Variants in SLCO5A1 observed in about 807,000 individuals in gnomAD.
SLCO5A1 encodes organic anion transporter polypeptide-related protein 4.
Under a neutral mutation model 65.1 loss-of-function variants are expected in SLCO5A1, and 39 were observed. That is an observed-to-expected ratio of 0.60 (90% CI 0.46 to 0.78). The LOEUF (loss-of-function observed/expected upper bound fraction) is 0.78. Ranked by LOEUF, SLCO5A1 falls within the 30% of genes least tolerant of loss-of-function variation. SLCO5A1 has a pLI of 0.00. For missense variants in SLCO5A1, 1,029 were observed against 1,069.4 expected, an observed-to-expected ratio of 0.96 and a Z score of 0.53; for synonymous variants, 438 against 415.7, an observed-to-expected ratio of 1.05 and a Z score of -0.65.
At chr8:69,802,715 G>T (rs953975851) in intron 2 of SLCO5A1, among the ~76,000 whole-genome samples, 2 of 151,826 alleles carry the variant, frequency 1.3e-5, no homozygotes, top group African/African-American at 4.8e-5. Context: ...CCTACCTCAG[G>T]CCTTTACCCC....
chr8:69,782,262 T>G (rs1818831543), intron 2 of SLCO5A1, among the ~76,000 whole-genome samples: 1 of 151,856 alleles, frequency 6.6e-6, no homozygotes. Flanking sequence ...CATCAAAAAT[T>G]ATAAGTTATA....
At chr8:69,783,153 T>C (rs958309816) in intron 2 of SLCO5A1, among the ~76,000 whole-genome samples, 2 of 152,162 alleles carry the variant, frequency 1.3e-5, no homozygotes, top group African/African-American at 2.4e-5. Flanking sequence ...TATAACTTTA[T>C]AGTTAAAATT....
At chr8:69,788,131 G>A (rs1819115170) in intron 2 of SLCO5A1, among the ~76,000 whole-genome samples, 2 of 152,086 alleles carry the variant, frequency 1.3e-5, no homozygotes, top group Admixed American at 6.5e-5. Flanking sequence ...ATTATTTCAG[G>A]AGGGCAACCC....
intron 5 of SLCO5A1, among the ~76,000 whole-genome samples, chr8:69,724,346 G>A (rs1586728530): frequency 6.6e-6 from 1 of 152,196 alleles, no homozygotes; most frequent in East Asian, 1.9e-4. Flanking sequence ...CCCTTGCACA[G>A]GTAATAAGGG....
chr8:69,741,950 T>C (rs1462459608), intron 4 of SLCO5A1, among the ~76,000 whole-genome samples: 2 of 152,146 alleles, frequency 1.3e-5, no homozygotes. Flanking sequence ...TCATGGGCAT[T>C]ATTGGGATAA....
chr8:69,687,047 T>A (rs1294446980), intron 6 of SLCO5A1, among the ~76,000 whole-genome samples: 1 of 152,230 alleles, frequency 6.6e-6, no homozygotes, highest in African/African-American at 2.4e-5. Context: ...GATATTGGTA[T>A]CTTTCCGCAC....
chr8:69,786,946 T>C (rs1387017208), intron 2 of SLCO5A1, among the ~76,000 whole-genome samples: 1 of 152,176 alleles, frequency 6.6e-6, no homozygotes, highest in African/African-American at 2.4e-5. Flanking sequence ...AGAGTGAAGA[T>C]GCATTTAAAA....
chr8:69,824,405 G>C (rs947510964), intron 2 of SLCO5A1, among the ~76,000 whole-genome samples: 29 of 152,160 alleles, frequency 1.9e-4, no homozygotes, highest in African/African-American at 6.7e-4. Context: ...AGAAAAGAGA[G>C]AAGAATCAAA....
chr8:69,720,582 G>A (rs1815774154), intron 5 of SLCO5A1, among the ~76,000 whole-genome samples: 1 of 152,184 alleles, frequency 6.6e-6, no homozygotes, highest in Admixed American at 6.5e-5. Flanking sequence ...ACAAAAACAG[G>A]ACAATTTAAT....
chr8:69,761,113 T>C (rs1286149340), intron 3 of SLCO5A1, among the ~76,000 whole-genome samples: 2 of 152,162 alleles, frequency 1.3e-5, no homozygotes, highest in Admixed American at 1.3e-4. Flanking sequence ...ACAGCAGTCC[T>C]TTTCCTTCAC....
chr8:69,745,917 T>A (rs1287906297), intron 4 of SLCO5A1, among the ~76,000 whole-genome samples: 2 of 152,210 alleles, frequency 1.3e-5, no homozygotes, highest in Non-Finnish European at 2.9e-5. Context: ...TTTATTTTAT[T>A]CTCTAAATTT....
chr8:69,727,286 A>T (rs1007582760), intron 5 of SLCO5A1, among the ~76,000 whole-genome samples: 2 of 152,166 alleles, frequency 1.3e-5, no homozygotes, highest in Admixed American at 1.3e-4. Context: ...AAAACAGAGT[A>T]AGAATTTCAA....
In SLCO5A1 at chr8:69,696,381, A is replaced by G. The variant is rs140521731; in HGVS notation, c.1622+8650T>C. On this transcript the variant is annotated intron_variant, in intron 6 of 9. Coordinates refer to ENST00000260126, the MANE Select transcript of SLCO5A1 (RefSeq NM_030958.3). ...AGCCAGCCTGCCCGATCGAATCTCC[A>G]TGGGTTCTGAGCTCAAAGTGAGCAG... 4.3e-4 allele frequency among the ~76,000 whole-genome samples: 65 copies of G among 152,300 alleles called. 1 individual carries two copies. The highest frequency in any genetic ancestry group is 1.5e-3 in the African/African-American group (64 of 41,568).
Position 69,697,525 on chromosome 8 carries a change from A to G in SLCO5A1, c.1622+7506T>C. On this transcript the variant is annotated intron_variant, in intron 6 of 9. Transcript: ENST00000260126. ...TCAGATAATGTTAAGTGCCATGAGG[A>G]AACTAAGGAGAAATAATGTAATCAA... is the stretch of plus-strand genomic sequence containing the variant. 1.3e-5 allele frequency among the ~76,000 whole-genome samples: 2 copies of G among 152,172 alleles called. 1 individual carries two copies. Among genetic ancestry groups the G allele is most frequent in the Non-Finnish European group, 2.9e-5 (2 of 68,032 alleles).
intron 4 of SLCO5A1, among the ~76,000 whole-genome samples, chr8:69,753,227 C>A (rs567781616): frequency 6.6e-6 from 1 of 152,018 alleles, no homozygotes; most frequent in Non-Finnish European, 1.5e-5. Flanking sequence ...GGAGAGCCCA[C>A]GAAAGACACA....
At chr8:69,695,822 A>C (rs1005637451) in intron 6 of SLCO5A1, among the ~76,000 whole-genome samples, 7 of 152,226 alleles carry the variant, frequency 4.6e-5, no homozygotes, top group South Asian at 2.1e-4. Flanking sequence ...GGATGGAAGA[A>C]AGAAGTTCAG....
intron 3 of SLCO5A1, among the ~76,000 whole-genome samples, chr8:69,759,180 C>T (rs1392006994): frequency 1.3e-5 from 2 of 152,170 alleles, no homozygotes; most frequent in African/African-American, 2.4e-5. Flanking sequence ...CCATTGAAAA[C>T]TTATCACTGC....
At chr8:69,826,739 C>A (rs568277495) in intron 2 of SLCO5A1, among the ~76,000 whole-genome samples, 4 of 152,100 alleles carry the variant, frequency 2.6e-5, no homozygotes, top group African/African-American at 9.7e-5. Flanking sequence ...GTCAGTGTGG[C>A]GATTCCTCAG....
At chr8:69,674,792 G>A (rs1299221330) in intron 9 of SLCO5A1, among the ~76,000 whole-genome samples, 3 of 151,614 alleles carry the variant, frequency 2.0e-5, no homozygotes, top group African/African-American at 2.4e-5. Flanking sequence ...AGGCCAAAGC[G>A]GGTGGATCAC....
Sources: allele counts gnomAD v4.1 joint callset (sites outside exome capture counted in the v4.1 genomes callset), GRCh38; gene constraint gnomAD v4.1.1; transcripts MANE v1.5; gene names NCBI Gene and HGNC (gene_info 2026-07-23, HGNC 2026-07-21).